Variants in FGFR4 observed in about 807,000 individuals in gnomAD.
FGFR4 encodes fibroblast growth factor receptor 4.
In FGFR4, 63 loss-of-function variants were observed where a neutral mutation model predicts 89.9. The observed-to-expected ratio is 0.70, with a 90% CI of 0.57 to 0.86. The LOEUF (loss-of-function observed/expected upper bound fraction) is 0.86. Ranked by LOEUF, FGFR4 falls within the 40% of genes least tolerant of loss-of-function variation. FGFR4 has a pLI of 0.00. For synonymous variants in FGFR4, 486 were observed against 479.4 expected (o/e 1.01, Z -0.18); for missense variants, 928 against 1,106.7 (o/e 0.84, Z 2.29).
rs1784645592 is a variant in FGFR4 at position 177,097,410 on chromosome 5, CCA to C, written c.2259+15_2259+16del. The stretch of plus-strand genomic sequence containing the variant: ...CGTCTCTGAGGAGGTACAGCCCCTC[CCA>C]CCCACCACCTCCCTCTGCCTGCTCC... On this transcript the variant is annotated intron_variant, in intron 17 of 17. Coordinates refer to ENST00000292408, the MANE Select transcript of FGFR4 (RefSeq NM_213647.3). The C allele has an allele frequency of 1.3e-5, 21 of 1,608,344 alleles. No homozygotes were observed. Among genetic ancestry groups the C allele is most frequent in the Non-Finnish European group, 1.8e-5 (21 of 1,176,748 alleles).
At position 177,095,626 on chromosome 5, in the gene FGFR4, A is replaced by ACGGTCCT. The variant is rs992546313; in HGVS notation, c.1728_1734dup (p.Gly582GlnfsTer2). The ACGGTCCT allele has an allele frequency of 1.0e-5, 16 of 1,605,854 alleles. No individual in the cohort carries two copies. Among genetic ancestry groups the ACGGTCCT allele is most frequent in the Non-Finnish European group, 1.3e-5 (15 of 1,177,444 alleles). ...CCCCCAGGCCCCGACCTCAGCCCCGACGGTCCTCGGAGCAGTGAGGGGCCG... is the reference window on the plus strand; with the variant it reads ...CCCCCAGGCCCCGACCTCAGCCCCGACGGTCCTCGGTCCTCGGAGCAGTGAGGGGCCG... On this transcript the variant is annotated frameshift_variant, in exon 13 of 18. Transcript: ENST00000292408. LOFTEE classifies it high-confidence loss of function. This position sits in a 1 kb window ranked among gnomAD's most constrained non-coding sequence, Gnocchi z 5.7.
chr5:177,095,996 G>T lies in FGFR4; in HGVS notation c.1822-61G>T. 6.3e-7 allele frequency: 1 copy of T among 1,577,422 alleles called. No individual in the cohort carries two copies. Among genetic ancestry groups the T allele is most frequent in the Non-Finnish European group, 8.6e-7 (1 of 1,160,718 alleles). On this transcript the variant is annotated intron_variant, in intron 13 of 17. Transcript: ENST00000292408. The surrounding 1 kb of genome is among the most constrained non-coding windows in gnomAD (Gnocchi z 5.7). The stretch of plus-strand genomic sequence containing the variant: ...CCCCTGCCCCCGGGCCTGCTGGGGG[G>T]TGGTGTGTGCTCAACTCCAGGCCAG...
rs1441047885 is a variant in FGFR4 at position 177,097,672 on chromosome 5, CAT to C, written c.2406_2407del (p.Ter803SerfsTer10). On this transcript the variant is annotated frameshift_variant and stop_lost, in exon 18 of 18. Transcript: ENST00000292408. LOFTEE classifies it high-confidence loss of function. ...TTCCCCTTCGGGTCTGGGGTGCAGA[CAT>C]GAGCAAGGCTCAAGGCTGTGCAGGC... 1 of 1,613,824 alleles carries C rather than the reference CAT, an allele frequency of 6.2e-7. No individual in the cohort carries two copies. The highest frequency in any genetic ancestry group is 8.5e-7 in the Non-Finnish European group (1 of 1,179,822).
In FGFR4 at chr5:177,089,795, C is replaced by T. The variant is rs116819332; in HGVS notation, c.91+102C>T. On this transcript the variant is annotated intron_variant, in intron 2 of 17. Transcript: ENST00000292408. ...AGCTGGAAAGGATCCTTGCCCAGGCCCTGAGAAGGTGGCGGCAGGGCAGGG... is the reference window on the plus strand; with the variant it reads ...AGCTGGAAAGGATCCTTGCCCAGGCTCTGAGAAGGTGGCGGCAGGGCAGGG... 2.2e-3 allele frequency: 3,245 copies of T among 1,471,082 alleles called. 27 individuals are homozygous for T. Among genetic ancestry groups the T allele is most frequent in the African/African-American group, 0.021 (1,527 of 72,146 alleles). 91.1% of individuals were successfully genotyped at this position (1,471,082 alleles called of 1,614,324 possible). A position where few individuals can be genotyped will look rare whatever the true frequency, so the allele number is the denominator to read the frequency against.
At chr5:177,092,861 G>A (rs1784416876) in intron 8 of FGFR4, 77 bp downstream of exon 8, 1 of 1,607,072 alleles carries the variant, frequency 6.2e-7, no homozygotes, top group Non-Finnish European at 8.5e-7. Flanking sequence ...CTGTTGGGTG[G>A]TCAGTCTCTG....
chr5:177,096,586 C>T lies in FGFR4; in HGVS notation c.2016-18C>T, dbSNP rs1784573565. ...CGGGAGGGCGCTGAGCCACACTGAGCCCTGGCCCTACCTCCAGGTGGTCTT... is the reference window on the plus strand; with the variant it reads ...CGGGAGGGCGCTGAGCCACACTGAGTCCTGGCCCTACCTCCAGGTGGTCTT... On this transcript the variant is annotated intron_variant, in intron 15 of 17. Transcript: ENST00000292408. 6.2e-7 allele frequency: 1 copy of T among 1,612,978 alleles called. No homozygotes were observed. Among genetic ancestry groups the T allele is most frequent in the Non-Finnish European group, 8.5e-7 (1 of 1,179,552 alleles).
chr5:177,093,346 C>G lies in FGFR4; in HGVS notation c.1251+15C>G, dbSNP rs764168979. The G allele has an allele frequency of 6.2e-7, 1 of 1,614,028 alleles. No individual in the cohort carries two copies. Among genetic ancestry groups the G allele is most frequent in the Admixed American group, 1.7e-5 (1 of 60,028 alleles). On this transcript the variant is annotated intron_variant, in intron 9 of 17. Coordinates refer to ENST00000292408, the MANE Select transcript of FGFR4 (RefSeq NM_213647.3). The surrounding 1 kb of genome is among the most constrained non-coding windows in gnomAD (Gnocchi z 5.8). ...TGGCCCGACAGGTACTGGGCGCATC[C>G]CCCACCTCACATGTGACAGCCTGAC...
Position 177,096,708 on chromosome 5 carries a change from G to A in FGFR4, c.2120G>A (p.Arg707Gln), listed in dbSNP as rs761135791. The A allele has an allele frequency of 6.9e-6, 11 of 1,596,930 alleles. No homozygotes were observed. Among genetic ancestry groups the A allele is most frequent in the African/African-American group, 4.0e-5 (3 of 74,704 alleles). ...TTCTCGCTGCTGCGGGAGGGACATC[G>A]GATGGACCGACCCCCACACTGCCCC... The part of the protein sequence containing the change: ...ELFSLLREGH[R>Q]MDRPPHCPPE... Residue 707 changes from arginine (R) to glutamine (Q), a missense_variant, in exon 16 of 18, where the codon CGG becomes CAG. Around this residue, in one of 5 missense-constraint regions of FGFR4, gnomAD observed 129 missense variants for 150.8 expected, o/e 0.86. Coordinates refer to ENST00000292408, the MANE Select transcript of FGFR4 (RefSeq NM_213647.3).
Position 177,089,644 on chromosome 5 carries a change from G to T in FGFR4, c.42G>T (p.Val14=). 1 of 1,614,040 alleles carries T rather than the reference G, an allele frequency of 6.2e-7. No homozygotes were observed. Among genetic ancestry groups the T allele is most frequent in the South Asian group, 1.1e-5 (1 of 91,048 alleles). Residue 14 remains valine (V), a synonymous_variant, in exon 2 of 18, where the codon GTG becomes GTT. Transcript: ENST00000292408. ...LLALLGVLLS[V]PGPPVLSLEA... Reference sequence around the variant, plus strand: ...CCCTGTTGGGGGTCCTGCTGAGTGTGCCTGGGCCTCCAGTCTTGTCCCTGG... The same window carrying T: ...CCCTGTTGGGGGTCCTGCTGAGTGTTCCTGGGCCTCCAGTCTTGTCCCTGG...
At chr5:177,096,499 C>A in intron 15 of FGFR4, 105 bp from the exon 16 acceptor site, 1 of 1,531,146 alleles carries the variant, frequency 6.5e-7, no homozygotes, top group Non-Finnish European at 8.9e-7. Flanking sequence ...CCAGGAGGAG[C>A]CCATTCCCCA....
At position 177,089,632 on chromosome 5, in the gene FGFR4, C is replaced by T. The variant is rs1229801039; in HGVS notation, c.30C>T (p.Val10=). The T allele has an allele frequency of 6.2e-7, 1 of 1,613,914 alleles. No individual in the cohort carries two copies. The highest frequency in any genetic ancestry group is 8.5e-7 in the Non-Finnish European group (1 of 1,179,960). Residue 10 remains valine (V), a synonymous_variant, in exon 2 of 18, where the codon GTC becomes GTT. Transcript: ENST00000292408. ...GGCTGCTGCTGGCCCTGTTGGGGGT[C>T]CTGCTGAGTGTGCCTGGGCCTCCAG... The part of the protein sequence containing the change: MRLLLALLG[V]LLSVPGPPVL...
In FGFR4 at chr5:177,093,081, G is replaced by A. The variant is rs541563323; in HGVS notation, c.1058-57G>A. The stretch of plus-strand genomic sequence containing the variant: ...GGGACTGAGTTAGGGTGCACGGGGC[G>A]GCCAGTCTCACCACTGACCAGTTTG... On this transcript the variant is annotated intron_variant, in intron 8 of 17. Transcript: ENST00000292408. This position sits in a 1 kb window ranked among gnomAD's most constrained non-coding sequence, Gnocchi z 5.8. The A allele has an allele frequency of 4.0e-5, 64 of 1,605,110 alleles. No homozygotes were observed. Among genetic ancestry groups the A allele is most frequent in the Middle Eastern group, 1.6e-4 (1 of 6,072 alleles).
At chr5:177,088,428 G>C (rs1784230280) in intron 1 of FGFR4, 1 of 198,086 alleles carries the variant, frequency 5.0e-6, no homozygotes, top group South Asian at 1.9e-4. Flanking sequence ...AGAGGCCCAT[G>C]CAAGAGATGG....
Position 177,093,075 on chromosome 5 carries a change from C to T in FGFR4, c.1058-63C>T, listed in dbSNP as rs769187974. 4.5e-5 allele frequency: 72 copies of T among 1,598,368 alleles called. No individual in the cohort carries two copies. The East Asian group carries it at 1.3e-3, about 30-fold the overall frequency. On this transcript the variant is annotated intron_variant, in intron 8 of 17. Coordinates refer to ENST00000292408, the MANE Select transcript of FGFR4 (RefSeq NM_213647.3). This position sits in a 1 kb window ranked among gnomAD's most constrained non-coding sequence, Gnocchi z 5.8. ...CTGGGAGGGACTGAGTTAGGGTGCA[C>T]GGGGCGGCCAGTCTCACCACTGACC...
At position 177,093,633 on chromosome 5, in the gene FGFR4, C is replaced by G. The variant is rs751450723; in HGVS notation, c.1398-21C>G. 2 of 1,614,138 alleles carry G rather than the reference C, an allele frequency of 1.2e-6. No individual in the cohort carries two copies. The highest frequency in any genetic ancestry group is 8.5e-7 in the Non-Finnish European group (1 of 1,179,994). ...GCAGGAGTGACTCGGAGGTCTGAGG[C>G]TGGACTTTCTCCATCTCCAGGCTGG... On this transcript the variant is annotated intron_variant, in intron 10 of 17. Transcript: ENST00000292408. This position sits in a 1 kb window ranked among gnomAD's most constrained non-coding sequence, Gnocchi z 5.8.
rs779822006 is a variant in FGFR4 at position 177,092,725 on chromosome 5, G to T, written c.998G>T (p.Cys333Phe). The change falls in exon 8 of 18, where the codon TGC (cysteine) becomes TTC (phenylalanine). Residue 333 changes from cysteine (C) to phenylalanine (F), a missense_variant. Coordinates refer to ENST00000292408, the MANE Select transcript of FGFR4 (RefSeq NM_213647.3). ...GCCGAGGACGCAGGCGAGTACACCTGCCTCGCAGGCAATTCCATCGGCCTC... is the reference window on the plus strand; with the variant it reads ...GCCGAGGACGCAGGCGAGTACACCTTCCTCGCAGGCAATTCCATCGGCCTC... ...VSAEDAGEYT[C>F]LAGNSIGLSY... is the part of the protein sequence containing the mutation. 5.0e-6 allele frequency: 8 copies of T among 1,614,260 alleles called. No individual in the cohort carries two copies. Among genetic ancestry groups the T allele is most frequent in the Non-Finnish European group, 6.8e-6 (8 of 1,180,034 alleles).
chr5:177,093,760 G>A lies in FGFR4; in HGVS notation c.1504G>A (p.Val502Ile), dbSNP rs141530067. 2.7e-5 allele frequency: 44 copies of A among 1,612,984 alleles called. No individual in the cohort carries two copies. Among genetic ancestry groups the A allele is most frequent in the African/African-American group, 2.5e-4 (19 of 75,008 alleles). Residue 502 changes from valine to isoleucine, a missense_variant, in exon 11 of 18, where the codon GTC (valine) becomes ATC (isoleucine). Coordinates refer to ENST00000292408, the MANE Select transcript of FGFR4 (RefSeq NM_213647.3). The surrounding 1 kb of genome is among the most constrained non-coding windows in gnomAD (Gnocchi z 5.8). ...GCCTGACCAAGCCAGCACTGTGGCC[G>A]TCAAGATGCTCAAAGGTGAGTGTGG... ...ARPDQASTVA[V>I]KMLKDNASDK... is the part of the protein sequence containing the mutation.
At position 177,092,486 on chromosome 5, in the gene FGFR4, G is replaced by A; in HGVS notation, c.893G>A (p.Gly298Asp). 6.3e-7 allele frequency: 1 copy of A among 1,591,878 alleles called. No individual in the cohort carries two copies. The highest frequency in any genetic ancestry group is 2.3e-5 in the East Asian group (1 of 43,518). The change falls in exon 7 of 18, where the codon GGT (glycine) becomes GAT (aspartate). Residue 298 changes from glycine to aspartate, a missense_variant. Physicochemically the swap from Gly to Asp is moderately conservative, Grantham distance 94 (BLOSUM62 -1). Transcript: ENST00000292408. Reference protein sequence around the residue: ...VINGSSFGADGFPYVQVLKTA... With the variant: ...VINGSSFGADDFPYVQVLKTA... Reference sequence around the variant, plus strand: ...AACGGCAGCAGCTTCGGAGCCGACGGTTTCCCCTATGTGCAAGTCCTAAAG... The same window carrying A: ...AACGGCAGCAGCTTCGGAGCCGACGATTTCCCCTATGTGCAAGTCCTAAAG...
Position 177,090,495 on chromosome 5 carries a change from G to A in FGFR4, c.197G>A (p.Trp66Ter). The change falls in exon 3 of 18, where the codon TGG (tryptophan) becomes TAG (stop). Residue 66 changes from tryptophan (W) to a stop codon, truncating the protein, a stop_gained. Coordinates refer to ENST00000292408, the MANE Select transcript of FGFR4 (RefSeq NM_213647.3). LOFTEE classifies it high-confidence loss of function. ...GGGCGGGCTGAGCGTGGTGGCCACT[G>A]GTACAAGGAGGGCAGTCGCCTGGCA... Reference protein sequence around the residue: ...CCGRAERGGHWYKEGSRLAPA... With the variant: ...CCGRAERGGH The A allele has an allele frequency of 1.3e-6, 2 of 1,579,340 alleles. No individual in the cohort carries two copies. The highest frequency in any genetic ancestry group is 2.3e-5 in the South Asian group (2 of 85,396).
Sources: allele counts gnomAD v4.1 joint callset, GRCh38; gene constraint gnomAD v4.1.1; regional missense constraint gnomAD v4.1.1; non-coding constraint Gnocchi (gnomAD v3.1); transcripts MANE v1.5; gene names NCBI Gene and HGNC (gene_info 2026-07-23, HGNC 2026-07-21).